Variants in ARHGAP29 observed in about 807,000 individuals in gnomAD.
ARHGAP29 encodes the protein rho GTPase-activating protein 29.
ARHGAP29 carries 43 observed loss-of-function variants against 122.6 expected under a neutral mutation model. The ratio of observed to expected loss-of-function variants is 0.35; its 90% CI spans 0.27 to 0.45. The LOEUF is 0.45. ARHGAP29 is among the 20% of genes least tolerant of loss of function. The pLI is 1.00. For missense variants in ARHGAP29, 1,303 were observed against 1,477.2 expected (o/e 0.88, Z 1.93); for synonymous variants, 506 against 497.1 (o/e 1.02, Z -0.24).
intron 1 of ARHGAP29, among the ~76,000 whole-genome samples, chr1:94,258,864 C>A (rs530722159): frequency 6.6e-6 from 1 of 152,286 alleles, no homozygotes; most frequent in African/African-American, 2.4e-5. Flanking sequence ...GGGATCTGAA[C>A]TCATGTCAGA....
chr1:94,301,693 C>G, the ARHGAP29 span, among the ~76,000 whole-genome samples: 5 of 152,254 alleles, frequency 3.3e-5, 1 homozygote, highest in South Asian at 1.0e-3. Flanking sequence ...GGAAGAGGTG[C>G]TGGATAATCA....
intron 1 of ARHGAP29, among the ~76,000 whole-genome samples, chr1:94,256,138 T>C (rs1179322453): frequency 6.6e-6 from 1 of 152,186 alleles, no homozygotes; most frequent in East Asian, 1.9e-4. Flanking sequence ...ATAGAAGAGA[T>C]TGAACTCAAA....
intron 2 of ARHGAP29, among the ~76,000 whole-genome samples, chr1:94,229,149 C>T (rs929834892): frequency 6.6e-6 from 1 of 151,736 alleles, no homozygotes; most frequent in Non-Finnish European, 1.5e-5. Context: ...CACACTTTAA[C>T]GTTGTGGTGA....
chr1:94,310,129 C>T, the ARHGAP29 span, among the ~76,000 whole-genome samples: 121 of 152,290 alleles, frequency 7.9e-4, 3 homozygotes, highest in Admixed American at 7.4e-3. Context: ...TATTTAATAT[C>T]GGTACACATG....
At chr1:94,305,408 A>T in the ARHGAP29 span, among the ~76,000 whole-genome samples, 2 of 152,220 alleles carry the variant, frequency 1.3e-5, no homozygotes, top group African/African-American at 4.8e-5. Flanking sequence ...AGGCAGTTCT[A>T]TGTGGTAGGA....
chr1:94,247,277 AG>A (rs1423215530), intron 1 of ARHGAP29, among the ~76,000 whole-genome samples: 1 of 151,980 alleles, frequency 6.6e-6, no homozygotes, highest in Non-Finnish European at 1.5e-5. Context: ...TAGCAAAGGG[AG>A]CGGGGCTGAG....
chr1:94,254,654 AC>A (rs1305514693), intron 1 of ARHGAP29, among the ~76,000 whole-genome samples: 1 of 152,204 alleles, frequency 6.6e-6, no homozygotes, highest in Non-Finnish European at 1.5e-5. Flanking sequence ...CTACTAAAAA[AC>A]CAGAACCTAA....
At chr1:94,196,659 AAGAGAAATGTAAT>A (rs1650501144) in intron 12 of ARHGAP29, among the ~76,000 whole-genome samples, 2 of 152,176 alleles carry the variant, frequency 1.3e-5, no homozygotes, top group Non-Finnish European at 2.9e-5. Flanking sequence ...TAACAAATTT[AAGAGAAATGTAAT>A]CATAACCAGT....
chr1:94,214,971 T>C (rs953157441), intron 3 of ARHGAP29, among the ~76,000 whole-genome samples: 1 of 152,130 alleles, frequency 6.6e-6, no homozygotes, highest in Non-Finnish European at 1.5e-5. Flanking sequence ...GTGTTGCTTC[T>C]GATTTTTCTT....
At chr1:94,280,813 C>A in the ARHGAP29 span, among the ~76,000 whole-genome samples, 1 of 152,284 alleles carries the variant, frequency 6.6e-6, no homozygotes, top group South Asian at 2.1e-4. Flanking sequence ...TTCTTTTCTG[C>A]AAATTACAAC....
At chr1:94,276,734 T>C (rs778742625), upstream of ARHGAP29, among the ~76,000 whole-genome samples, 5 of 135,990 alleles carry the variant, frequency 3.7e-5, no homozygotes, top group Non-Finnish European at 6.0e-5. Flanking sequence ...TGAGCTATGA[T>C]TGTGCCACTG....
intron 19 of ARHGAP29, among the ~76,000 whole-genome samples, chr1:94,181,892 A>T (rs980744291): frequency 1.3e-5 from 2 of 152,214 alleles, no homozygotes; most frequent in Admixed American, 1.3e-4. Flanking sequence ...GATTTCAAAG[A>T]CTCAGTAACA....
chr1:94,176,472 A>T (rs1023920814), intron 22 of ARHGAP29: 2 of 152,200 alleles, frequency 1.3e-5, no homozygotes, highest in Admixed American at 6.5e-5. Context: ...TCTCTTTCAG[A>T]CGGTTAGTTA....
chr1:94,183,478 C>T (rs1649605550), intron 19 of ARHGAP29, among the ~76,000 whole-genome samples: 1 of 151,882 alleles, frequency 6.6e-6, no homozygotes, highest in Non-Finnish European at 1.5e-5. Context: ...CTGCAAACTA[C>T]AGGTTTAACA....
Position 94,169,587 on chromosome 1 carries a change from T to A in ARHGAP29, c.*4282A>T, listed in dbSNP as rs773737849. On this transcript the variant is annotated 3_prime_UTR_variant, in exon 23 of 23. Coordinates refer to ENST00000260526, the MANE Select transcript of ARHGAP29 (RefSeq NM_004815.4). ...ACTCAAAGTTTTCAATACGTATGTA[T>A]ATAAATAGATATAGAAGTAGGTGAC... is the stretch of plus-strand genomic sequence containing the variant. Among the ~76,000 whole-genome samples the A allele has an allele frequency of 1.3e-5, 2 of 152,286 alleles. No individual in the cohort carries two copies. The highest frequency in any genetic ancestry group is 3.9e-4 in the East Asian group (2 of 5,192).
At chr1:94,181,134 G>C (rs1254425287) in intron 19 of ARHGAP29, among the ~76,000 whole-genome samples, 2 of 152,176 alleles carry the variant, frequency 1.3e-5, no homozygotes, top group Non-Finnish European at 2.9e-5. Context: ...AAGAGTTGAA[G>C]AGCAAATGAA....
the ARHGAP29 span, among the ~76,000 whole-genome samples, chr1:94,310,260 G>A: frequency 6.6e-5 from 10 of 152,142 alleles, no homozygotes; most frequent in African/African-American, 2.4e-4. Context: ...AGCTGAGTTC[G>A]TAGGGTGGGG....
chr1:94,186,955 A>T (rs55803521), intron 15 of ARHGAP29, among the ~76,000 whole-genome samples: 31,401 of 152,190 alleles, frequency 0.21, 4,165 homozygotes, highest in Middle Eastern at 0.36. Flanking sequence ...CTGGCACAAC[A>T]GTAAAGTTGT....
At chr1:94,175,701 T>C (rs540857981) in intron 22 of ARHGAP29, among the ~76,000 whole-genome samples, 2 of 152,010 alleles carry the variant, frequency 1.3e-5, no homozygotes, top group South Asian at 4.2e-4. Context: ...TCTTTTATTG[T>C]TTTGTTTTGT....
Sources: gnomAD v4.1 joint callset for allele counts (sites outside exome capture counted in the v4.1 genomes callset) on GRCh38, gnomAD v4.1.1 for gene constraint, MANE v1.5 for transcripts, NCBI Gene and HGNC (gene_info 2026-07-23, HGNC 2026-07-21) for gene names.